The following STKLD1 variants were observed in gnomAD, a reference collection of about 807,000 sequenced individuals.
STKLD1 encodes the protein serine/threonine kinase like domain containing 1, also known as serine/threonine kinase-like domain-containing protein STKLD1.
In STKLD1, 79 loss-of-function variants were observed where a neutral mutation model predicts 80.4. The ratio of observed to expected loss-of-function variants is 0.98; its 90% confidence interval spans 0.82 to 1.19. The LOEUF is 1.19. Among genes scored for constraint, STKLD1 ranks in the 50% most tolerant of loss-of-function variants. The pLI, the probability that STKLD1 is intolerant of heterozygous loss-of-function variation, is 0.00. For missense variants in STKLD1, 841 were observed against 856.0 expected, an observed-to-expected ratio of 0.98 and a Z score of 0.22; for synonymous variants, 393 against 357.6, an observed-to-expected ratio of 1.10 and a Z score of -1.12.
chr9:133,404,071 G>A (rs782190836), intron 16 of STKLD1, 23 bp downstream of exon 16: 3 of 1,564,390 alleles, frequency 1.9e-6, no homozygotes, highest in Middle Eastern at 2.1e-4. Context: ...ACAGGACGAG[G>A]CTGCCACCTA....
Position 133,404,923 on chromosome 9 carries a change from TCCTATGGTGAGAACC to T in STKLD1, c.1871_1873+12del. On this transcript the variant is annotated splice_donor_variant and splice_donor_5th_base_variant and coding_sequence_variant and intron_variant, in exon 17 of 18. Coordinates refer to ENST00000371957, the MANE Select transcript of STKLD1 (RefSeq NM_153710.5). LOFTEE classifies it high-confidence loss of function. Reference sequence around the variant, plus strand: ...GGGCATGCTGCTGGTCCACCTGGCTTCCTATGGTGAGAACCCCTTCTCACCTCACACTCCCTAGAG... The same window carrying T: ...GGGCATGCTGCTGGTCCACCTGGCTTCCTTCTCACCTCACACTCCCTAGAG... The T allele has an allele frequency of 6.2e-7, 1 of 1,613,138 alleles. No homozygotes were observed. Among genetic ancestry groups the T allele is most frequent in the Non-Finnish European group, 8.5e-7 (1 of 1,179,752 alleles).
rs781896982 is a variant in STKLD1, at chr9:133,376,566, G to T, written c.87+6G>T. The T allele has an allele frequency of 1.3e-6, 2 of 1,589,462 alleles. No individual in the cohort carries two copies. On this transcript the variant is annotated splice_donor_region_variant and intron_variant, in intron 1 of 17. Transcript: ENST00000371957. Reference sequence around the variant, plus strand: ...AGCCCATGGAGAAGTACCAGGTGCCGAGTGTTCCCTGCGGGGAGGCGGGAG... The same window carrying T: ...AGCCCATGGAGAAGTACCAGGTGCCTAGTGTTCCCTGCGGGGAGGCGGGAG...
At chr9:133,400,183 A>G (rs962306750) in intron 11 of STKLD1, among the ~76,000 whole-genome samples, 2 of 152,184 alleles carry the variant, frequency 1.3e-5, no homozygotes, top group Non-Finnish European at 2.9e-5. Flanking sequence ...TATGGAGGGC[A>G]GCCTTGGGAG....
intron 7 of STKLD1, among the ~76,000 whole-genome samples, chr9:133,391,211 A>C (rs1380220796): frequency 0.083 from 11,372 of 136,954 alleles, 706 homozygotes; most frequent in African/African-American, 0.17. Flanking sequence ...CCCCGCCCAG[A>C]CAGCCGCCCT....
chr9:133,389,652 C>T lies in STKLD1; in HGVS notation c.467+56C>T. On this transcript the variant is annotated intron_variant, in intron 6 of 17. Transcript: ENST00000371957. This position sits in a 1 kb window ranked among gnomAD's most constrained non-coding sequence, Gnocchi z 6.4. ...GCTGGCTGCTTCGGGAGAAAAGGCA[C>T]TGAGGCCACTCGGGTGCCAGTGCCC... The T allele has an allele frequency of 6.2e-7, 1 of 1,606,722 alleles. No homozygotes were observed. The highest frequency in any genetic ancestry group is 8.5e-7 in the Non-Finnish European group (1 of 1,176,238).
Position 133,398,002 on chromosome 9 carries a change from A to T in STKLD1, c.1028A>T (p.Glu343Val). 1 of 1,613,532 alleles carries T rather than the reference A, an allele frequency of 6.2e-7. No individual in the cohort carries two copies. The highest frequency in any genetic ancestry group is 8.5e-7 in the Non-Finnish European group (1 of 1,179,850). Reference protein sequence around the residue: ...EVMQKFSGWPEVQLRAMKRLL... With the variant: ...EVMQKFSGWPVVQLRAMKRLL... ...ATGCAGAAATTCTCTGGCTGGCCCG[A>T]AGTCCAGCTCAGGGCCATGAAGAGG... Residue 343 changes from glutamate to valine, a missense_variant, in exon 11 of 18, where the codon GAA (glutamate) becomes GTA (valine). Coordinates refer to ENST00000371957, the MANE Select transcript of STKLD1 (RefSeq NM_153710.5).
chr9:133,389,426 A>AGAG lies in STKLD1; in HGVS notation c.397-97_397-95dup, dbSNP rs2130284032. 5.0e-5 allele frequency: 76 copies of AGAG among 1,521,828 alleles called. No individual in the cohort carries two copies. In the African/African-American group the frequency reaches 9.0e-4, roughly 18 times the overall value. 94.3% of individuals were successfully genotyped at this position (1,521,828 alleles called of 1,614,324 possible). A position where few individuals can be genotyped will look rare whatever the true frequency, so the allele number is the denominator to read the frequency against. On this transcript the variant is annotated intron_variant, in intron 5 of 17. Transcript: ENST00000371957. This position sits in a 1 kb window ranked among gnomAD's most constrained non-coding sequence, Gnocchi z 6.4. ...TTCAGGCCTGTCTCAAGATGCAAGG[A>AGAG]GAGGATACACCACCATCCTGCTGGC...
chr9:133,393,592 GGTGA>G (rs977992932), intron 7 of STKLD1, among the ~76,000 whole-genome samples: 14 of 143,882 alleles, frequency 9.7e-5, no homozygotes, highest in Non-Finnish European at 2.0e-4. Context: ...TGGATGGGTG[GGTGA>G]GTGAGTGAAT....
In STKLD1 at chr9:133,403,801, G is replaced by A. The variant is rs782275526; in HGVS notation, c.1576G>A (p.Gly526Arg). 1.3e-5 allele frequency: 21 copies of A among 1,613,500 alleles called. No individual in the cohort carries two copies. The highest frequency in any genetic ancestry group is 8.9e-5 in the East Asian group (4 of 44,902). Residue 526 changes from glycine (G) to arginine (R), a missense_variant, in exon 15 of 18, where the codon GGA becomes AGA. Physicochemically the swap from Gly to Arg is moderately radical, Grantham distance 125. Coordinates refer to ENST00000371957, the MANE Select transcript of STKLD1 (RefSeq NM_153710.5). ...ADGEMAEASC[G>R]VFWLLSLLGC... ...TGGGGAAATGGCAGAAGCCAGCTGC[G>A]GAGTCTTCTGGCTGCTGTCCCTGCT...
At chr9:133,387,869 C>T in intron 5 of STKLD1, 1 of 499,154 alleles carries the variant, frequency 2.0e-6, no homozygotes, top group Non-Finnish European at 3.9e-6. Context: ...GGCATGCTGC[C>T]ACTCCTGTCT....
Position 133,389,335 on chromosome 9 carries a change from G to A in STKLD1, c.397-191G>A, listed in dbSNP as rs2130283818. On this transcript the variant is annotated intron_variant, in intron 5 of 17. Transcript: ENST00000371957. The surrounding 1 kb of genome is among the most constrained non-coding windows in gnomAD (Gnocchi z 6.4). ...GAAACTCAGAGTCCTTCTGGCTGCC[G>A]CCGCGGCTTTACCATCTGGAGAGCC... 1.2e-4 allele frequency: 116 copies of A among 985,230 alleles called. No homozygotes were observed. Among genetic ancestry groups the A allele is most frequent in the Non-Finnish European group, 1.3e-4 (109 of 829,930 alleles). 61.0% of individuals were successfully genotyped at this position (985,230 alleles called of 1,614,324 possible). A position where few individuals can be genotyped will look rare whatever the true frequency, so the allele number is the denominator to read the frequency against.
Position 133,385,048 on chromosome 9 carries a change from C to T in STKLD1, c.220-569C>T, listed in dbSNP as rs1009942578. On this transcript the variant is annotated intron_variant, in intron 3 of 17. Coordinates refer to ENST00000371957, the MANE Select transcript of STKLD1 (RefSeq NM_153710.5). The surrounding 1 kb of genome is among the most constrained non-coding windows in gnomAD (Gnocchi z 4.9). ...AAAGAGCATGGGGCCTGCCCAGAGCCGCACGCCGCCGTGGCTTTTCACGTT... is the reference window on the plus strand; with the variant it reads ...AAAGAGCATGGGGCCTGCCCAGAGCTGCACGCCGCCGTGGCTTTTCACGTT... Among the ~76,000 whole-genome samples the T allele has an allele frequency of 6.6e-6, 1 of 152,074 alleles. No homozygotes were observed.
chr9:133,394,443 C>A lies in STKLD1; in HGVS notation c.702+34C>A. On this transcript the variant is annotated intron_variant, in intron 8 of 17. Transcript: ENST00000371957. This position sits in a 1 kb window ranked among gnomAD's most constrained non-coding sequence, Gnocchi z 4.9. ...CCCTCCCTCCCCCACACCCCACATGCTGTTCCCCACGCGCCCAGGCCTGGG... is the reference window on the plus strand; with the variant it reads ...CCCTCCCTCCCCCACACCCCACATGATGTTCCCCACGCGCCCAGGCCTGGG... 6.7e-7 allele frequency: 1 copy of A among 1,485,098 alleles called. No individual in the cohort carries two copies. 92.0% of individuals were successfully genotyped at this position (1,485,098 alleles called of 1,614,324 possible).
intron 2 of STKLD1, among the ~76,000 whole-genome samples, chr9:133,381,040 T>G (rs1304369672): frequency 6.6e-6 from 1 of 152,040 alleles, no homozygotes; most frequent in African/African-American, 2.4e-5. Flanking sequence ...TTTGTTTGTT[T>G]TTTTGTTTTG....
Position 133,397,304 on chromosome 9 carries a change from G to A in STKLD1, c.997+10G>A. The A allele has an allele frequency of 6.2e-7, 1 of 1,612,592 alleles. No homozygotes were observed. Among genetic ancestry groups the A allele is most frequent in the Non-Finnish European group, 8.5e-7 (1 of 1,179,962 alleles). ...GTGGCCAGCATTTTAGGTGATGCTG[G>A]GGACACAAAGGGGGAGCGTGCCCTG... is the stretch of plus-strand genomic sequence containing the variant. On this transcript the variant is annotated intron_variant, in intron 10 of 17. Transcript: ENST00000371957.
Position 133,399,794 on chromosome 9 carries a change from G to A in STKLD1, c.1082-619G>A, listed in dbSNP as rs587693425. On this transcript the variant is annotated intron_variant, in intron 11 of 17. Transcript: ENST00000371957. ...CGCAGGAGGCTGAGGCAGGAGAATCGCTTGAACCCAGGAGGCGGAGGTTGC... is the reference window on the plus strand; with the variant it reads ...CGCAGGAGGCTGAGGCAGGAGAATCACTTGAACCCAGGAGGCGGAGGTTGC... Among the ~76,000 whole-genome samples the A allele has an allele frequency of 9.7e-4, 148 of 151,898 alleles. 1 individual carries two copies. The highest frequency in any genetic ancestry group is 1.8e-3 in the Non-Finnish European group (125 of 67,962).
At chr9:133,405,071 G>A in intron 17 of STKLD1, 142 bp downstream of exon 17, 2 of 1,375,034 alleles carry the variant, frequency 1.5e-6, no homozygotes, top group Non-Finnish European at 9.9e-7. Context: ...CACTCATTTG[G>A]CATCTTCTGA....
At position 133,394,430 on chromosome 9, in the gene STKLD1, C is replaced by G. The variant is rs200678570; in HGVS notation, c.702+21C>G. 237 of 1,556,600 alleles carry G rather than the reference C, an allele frequency of 1.5e-4. No individual in the cohort carries two copies. In the African/African-American group the frequency reaches 2.9e-3, roughly 19 times the overall value. ...TGGATGTGAGCCGCCCTCCCTCCCC[C>G]ACACCCCACATGCTGTTCCCCACGC... On this transcript the variant is annotated intron_variant, in intron 8 of 17. Transcript: ENST00000371957. The surrounding 1 kb of genome is among the most constrained non-coding windows in gnomAD (Gnocchi z 4.9).
rs139162345 is a variant in STKLD1, at chr9:133,404,830, A to T, written c.1774A>T (p.Ser592Cys). ...GGTGGTGGTGCAGGAGGAGGGCGGC[A>T]GTGGCCTCAGCCTCATCAAGGAGAC... ...FKVVVQEEGG[S>C]GLSLIKETYQ... Residue 592 changes from serine to cysteine, a missense_variant, in exon 17 of 18, where the codon AGT becomes TGT. Physicochemically the swap from Ser to Cys is moderately radical, Grantham distance 112. Coordinates refer to ENST00000371957, the MANE Select transcript of STKLD1 (RefSeq NM_153710.5). The T allele has an allele frequency of 1.2e-6, 2 of 1,613,430 alleles. No homozygotes were observed. The highest frequency in any genetic ancestry group is 1.7e-6 in the Non-Finnish European group (2 of 1,179,810).
Sources: gnomAD v4.1 joint callset for allele counts (sites outside exome capture counted in the v4.1 genomes callset) on GRCh38, gnomAD v4.1.1 for gene constraint, Gnocchi (gnomAD v3.1) non-coding constraint, MANE v1.5 for transcripts, NCBI Gene and HGNC (gene_info 2026-07-23, HGNC 2026-07-21) for gene names.